The following NAALADL2 variants were observed in gnomAD, a reference collection of about 807,000 sequenced individuals.
The protein encoded by NAALADL2 is N-acetylated alpha-linked acidic dipeptidase like 2.
Under a neutral mutation model 87.2 loss-of-function variants are expected in NAALADL2, and 76 were observed. The observed-to-expected ratio is 0.87, with a 90% CI of 0.72 to 1.05. The LOEUF is 1.05. Among genes scored for constraint, NAALADL2 ranks in the 50% least tolerant of loss-of-function variants. NAALADL2 has a pLI of 0.00. For missense variants in NAALADL2, 1,089 were observed against 945.8 expected, an observed-to-expected ratio of 1.15 and a Z score of -1.99; for synonymous variants, 354 against 331.0, an observed-to-expected ratio of 1.07 and a Z score of -0.75.
chr3:175,618,853 C>A (rs746639538), intron 10 of NAALADL2, among the ~76,000 whole-genome samples: 4 of 152,118 alleles, frequency 2.6e-5, no homozygotes, highest in Non-Finnish European at 5.9e-5. Context: ...TGTTGGTAAC[C>A]TTTGGGTTCC....
intron 6 of NAALADL2, among the ~76,000 whole-genome samples, chr3:175,454,234 C>G (rs1721996768): frequency 6.6e-6 from 1 of 151,966 alleles, no homozygotes; most frequent in Admixed American, 6.6e-5. Flanking sequence ...CTTTGAATCA[C>G]ATATTGTTTT....
chr3:174,820,544 A>C (rs2109329727), intron 3 of NAALADL2, among the ~76,000 whole-genome samples: 1 of 152,196 alleles, frequency 6.6e-6, no homozygotes, highest in East Asian at 1.9e-4. Context: ...GAGTTTTACT[A>C]ATTTGTTAAC....
At chr3:175,117,465 C>G (rs1429749553) in intron 2 of NAALADL2, among the ~76,000 whole-genome samples, 2 of 152,132 alleles carry the variant, frequency 1.3e-5, no homozygotes, top group Non-Finnish European at 2.9e-5. Flanking sequence ...TATGAACAGA[C>G]ACTTCTCAAA....
chr3:175,322,044 A>C (rs1759961274), intron 4 of NAALADL2, among the ~76,000 whole-genome samples: 1 of 151,940 alleles, frequency 6.6e-6, no homozygotes, highest in African/African-American at 2.4e-5. Context: ...ATCCGAAGCC[A>C]AAAGAACAAA....
chr3:175,009,203 A>G (rs1749456719), intron 1 of NAALADL2, among the ~76,000 whole-genome samples: 1 of 152,156 alleles, frequency 6.6e-6, no homozygotes, highest in Non-Finnish European at 1.5e-5. Flanking sequence ...TTCTCAGATG[A>G]TGCTAATGCT....
chr3:175,076,322 CTTTTT>C (rs57449665), intron 1 of NAALADL2, among the ~76,000 whole-genome samples: 1 of 127,498 alleles, frequency 7.8e-6, no homozygotes, highest in Admixed American at 8.1e-5. Context: ...GTATTTCATG[CTTTTT>C]TTTTTTTTTT....
chr3:175,200,752 A>T (rs1355918516), intron 2 of NAALADL2, among the ~76,000 whole-genome samples: 1 of 152,026 alleles, frequency 6.6e-6, no homozygotes, highest in Non-Finnish European at 1.5e-5. Flanking sequence ...CCAAGTTACT[A>T]AAGAGAGACT....
At chr3:174,612,768 C>T (rs1720054852) in intron 2 of NAALADL2, among the ~76,000 whole-genome samples, 1 of 152,060 alleles carries the variant, frequency 6.6e-6, no homozygotes, top group Non-Finnish European at 1.5e-5. Context: ...GGTCACTTAC[C>T]TCTGTTTCTC....
intron 5 of NAALADL2, among the ~76,000 whole-genome samples, chr3:175,365,834 G>A (rs1222061590): frequency 6.8e-6 from 1 of 147,124 alleles, no homozygotes; most frequent in Non-Finnish European, 1.5e-5. Context: ...AATGAAAATA[G>A]TTACATTTTT....
chr3:175,552,109 C>CTATGTACATAT (rs146795933), intron 9 of NAALADL2, among the ~76,000 whole-genome samples: 8,889 of 151,794 alleles, frequency 0.059, 623 homozygotes, highest in African/African-American at 0.17. Flanking sequence ...ATATATAAAA[C>CTATGTACATAT]TATGTACATA....
At position 175,157,143 on chromosome 3, in the gene NAALADL2, A is replaced by G. The variant is rs141328188; in HGVS notation, c.545+59852A>G. 2.6e-3 allele frequency among the ~76,000 whole-genome samples: 395 copies of G among 152,248 alleles called. 1 individual carries two copies. Among genetic ancestry groups the G allele is most frequent in the African/African-American group, 9.2e-3 (381 of 41,572 alleles). ...AGTCATTAAAATAATTTTTTAAGCT[A>G]AAGTTATAAAATTGAACATACTTAT... On this transcript the variant is annotated intron_variant, in intron 2 of 13. Coordinates refer to ENST00000454872, the MANE Select transcript of NAALADL2 (RefSeq NM_207015.3).
chr3:175,513,617 A>G (rs1007122979), intron 9 of NAALADL2, among the ~76,000 whole-genome samples: 1 of 152,236 alleles, frequency 6.6e-6, no homozygotes, highest in Non-Finnish European at 1.5e-5. Context: ...TACATTTATG[A>G]AATATGTAAA....
At chr3:175,673,818 C>A (rs1207324275) in intron 11 of NAALADL2, among the ~76,000 whole-genome samples, 1 of 151,930 alleles carries the variant, frequency 6.6e-6, no homozygotes, top group Non-Finnish European at 1.5e-5. Flanking sequence ...TCCCAACTTC[C>A]CAACTATTAT....
chr3:175,616,198 C>T (rs1364862683), intron 10 of NAALADL2, among the ~76,000 whole-genome samples: 1 of 147,420 alleles, frequency 6.8e-6, no homozygotes, highest in Non-Finnish European at 1.5e-5. Context: ...TACAAGCAAT[C>T]ATATTCAAAA....
At chr3:175,011,259 AGAGG>A (rs1203744703) in intron 1 of NAALADL2, among the ~76,000 whole-genome samples, 1 of 130,152 alleles carries the variant, frequency 7.7e-6, no homozygotes, top group Non-Finnish European at 1.5e-5. Context: ...AGACAGAGAG[AGAGG>A]GAGAGAGACA....
At chr3:174,563,624 T>C (rs1220782374) in intron 2 of NAALADL2, among the ~76,000 whole-genome samples, 1 of 152,020 alleles carries the variant, frequency 6.6e-6, no homozygotes, top group Non-Finnish European at 1.5e-5. Context: ...ATTATTTGCT[T>C]CTAAGTATTT....
chr3:174,773,135 G>A (rs1714789066), intron 3 of NAALADL2, among the ~76,000 whole-genome samples: 1 of 152,162 alleles, frequency 6.6e-6, no homozygotes, highest in South Asian at 2.1e-4. Flanking sequence ...AGGTGACAGA[G>A]AGTGAATGGA....
chr3:174,659,862 C>T (rs1386206066), intron 2 of NAALADL2, among the ~76,000 whole-genome samples: 1 of 152,134 alleles, frequency 6.6e-6, no homozygotes, highest in Admixed American at 6.6e-5. Context: ...AGAAGCTTCC[C>T]ACTGCAGTTA....
chr3:175,024,642 T>G (rs186534436), intron 1 of NAALADL2, among the ~76,000 whole-genome samples: 2 of 152,148 alleles, frequency 1.3e-5, no homozygotes, highest in African/African-American at 4.8e-5. Flanking sequence ...ATAAATTTTT[T>G]AACTAAATCT....
Sources: gnomAD v4.1 joint callset for allele counts (sites outside exome capture counted in the v4.1 genomes callset) on GRCh38, gnomAD v4.1.1 for gene constraint, MANE v1.5 for transcripts, NCBI Gene and HGNC (gene_info 2026-07-23, HGNC 2026-07-21) for gene names.